The following MARS1 variants were observed in gnomAD, a reference collection of about 807,000 sequenced individuals.
MARS1 encodes methionyl-tRNA synthetase 1.
A neutral mutation model predicts 119.5 loss-of-function variants in MARS1; 80 were observed. That is an observed-to-expected ratio of 0.67 (90% CI 0.56 to 0.81). The LOEUF is 0.81. Among genes scored for constraint, MARS1 ranks in the 30% least tolerant of loss-of-function variants. The pLI, the probability that MARS1 is intolerant of heterozygous loss-of-function variation, is 0.00. For synonymous variants in MARS1, 418 were observed against 433.4 expected, an observed-to-expected ratio of 0.96 and a Z score of 0.44; for missense variants, 945 against 1,116.5, an observed-to-expected ratio of 0.85 and a Z score of 2.19.
chr12:57,516,272 G>A lies in MARS1; in HGVS notation c.2491G>A (p.Val831Ile), dbSNP rs199773459. ...AAAAACGTCCCCGAAGCCAGCAGTT[G>A]TAGAGACTGTTACAACAGCCAAGCC... Reference protein sequence around the residue: ...QAKTSPKPAVVETVTTAKPQQ... With the variant: ...QAKTSPKPAVIETVTTAKPQQ... Residue 831 changes from valine to isoleucine, a missense_variant, in exon 20 of 21, where the codon GTA (valine) becomes ATA (isoleucine). Val to Ile is a conservative substitution (Grantham distance 29, BLOSUM62 3). Coordinates refer to ENST00000262027, the MANE Select transcript of MARS1 (RefSeq NM_004990.4). 3.7e-4 allele frequency: 594 copies of A among 1,614,224 alleles called. 1 individual carries two copies. Among genetic ancestry groups the A allele is most frequent in the Non-Finnish European group, 1.1e-4 (124 of 1,180,046 alleles).
At chr12:57,493,473 A>G (rs1250103749) in intron 7 of MARS1, among the ~76,000 whole-genome samples, 2 of 2,014 alleles carry the variant, frequency 9.9e-4, no homozygotes, top group South Asian at 0.045. Flanking sequence ...TATATAATAT[A>G]TAATATATAA....
At chr12:57,492,006 G>A (rs1171508331) in intron 7 of MARS1, among the ~76,000 whole-genome samples, 4 of 152,110 alleles carry the variant, frequency 2.6e-5, no homozygotes, top group East Asian at 3.8e-4. Context: ...CAGGCCGGGC[G>A]CGGTGGCTCA....
At chr12:57,490,423 C>G (rs192091899) in intron 6 of MARS1, 44 bp downstream of exon 6, 6 of 1,610,132 alleles carry the variant, frequency 3.7e-6, no homozygotes, top group Admixed American at 3.3e-5. Flanking sequence ...TGGGAGGTGG[C>G]TAGGAGATGG....
intron 7 of MARS1, among the ~76,000 whole-genome samples, chr12:57,495,294 G>C (rs7304550): frequency 6.7e-6 from 1 of 150,366 alleles, no homozygotes; most frequent in African/African-American, 2.5e-5. Context: ...GGCGGCTGCC[G>C]GGCGGACACG....
chr12:57,489,254 T>C lies in MARS1; in HGVS notation c.201-13T>C, dbSNP rs201531908. Reference sequence around the variant, plus strand: ...CCTCTAAGTCCATCATCTGTTGCTCTCTCTCTGGGCAGATATTTTTTTTTG... The same window carrying C: ...CCTCTAAGTCCATCATCTGTTGCTCCCTCTCTGGGCAGATATTTTTTTTTG... On this transcript the variant is annotated splice_polypyrimidine_tract_variant and intron_variant, in intron 2 of 20. Coordinates refer to ENST00000262027, the MANE Select transcript of MARS1 (RefSeq NM_004990.4). 214 of 1,613,466 alleles carry C rather than the reference T, an allele frequency of 1.3e-4. No individual in the cohort carries two copies. Among genetic ancestry groups the C allele is most frequent in the Non-Finnish European group, 1.7e-4 (200 of 1,179,912 alleles).
At chr12:57,488,574 TCC>T in intron 1 of MARS1, 1 of 1,550,714 alleles carries the variant, frequency 6.4e-7, no homozygotes, top group Non-Finnish European at 8.7e-7. Context: ...AATCCCTCTC[TCC>T]CCTCCTAACA....
chr12:57,500,261 A>C, intron 9 of MARS1, 60 bp from the exon 10 acceptor site: 1 of 1,417,402 alleles, frequency 7.1e-7, no homozygotes, highest in African/African-American at 1.4e-5. Context: ...GAGTGGCAGG[A>C]GGAAGGGGTC....
In MARS1 at chr12:57,512,889, G is replaced by A; in HGVS notation, c.1892G>A (p.Ser631Asn). ...TACATTCGGCCTGAGGGCCAGGACA[G>A]TGCTTTCTCCTGGACGGACCTGCTG... ...LLYIRPEGQD[S>N]AFSWTDLLLK... is the part of the protein sequence containing the mutation. Residue 631 changes from serine (S) to asparagine (N), a missense_variant, in exon 15 of 21, where the codon AGT becomes AAT. Coordinates refer to ENST00000262027, the MANE Select transcript of MARS1 (RefSeq NM_004990.4). 1 of 1,614,266 alleles carries A rather than the reference G, an allele frequency of 6.2e-7. No homozygotes were observed. Among genetic ancestry groups the A allele is most frequent in the Non-Finnish European group, 8.5e-7 (1 of 1,180,050 alleles).
At chr12:57,515,420 T>G in intron 18 of MARS1, 84 bp downstream of exon 18, 99 of 1,352,314 alleles carry the variant, frequency 7.3e-5, no homozygotes, top group Non-Finnish European at 9.4e-5. Context: ...CTAACATCTC[T>G]CCAGTGTTAC....
intron 9 of MARS1, 69 bp from the exon 10 acceptor site, chr12:57,500,252 A>C: frequency 7.7e-7 from 1 of 1,300,584 alleles, no homozygotes. Context: ...CCCTGGTTGG[A>C]GTGGCAGGAG....
intron 10 of MARS1, 42 bp from the exon 11 acceptor site, chr12:57,504,183 G>A (rs1186989598): frequency 6.9e-7 from 1 of 1,449,072 alleles, no homozygotes; most frequent in East Asian, 2.3e-5. Flanking sequence ...CCCCTCCCCT[G>A]GCCTGCAGGC....
At chr12:57,493,567 T>A (rs986514092) in intron 7 of MARS1, among the ~76,000 whole-genome samples, 1 of 996 alleles carries the variant, frequency 1.0e-3, no homozygotes, top group Non-Finnish European at 5.7e-3. Flanking sequence ...ATATAATATA[T>A]TATAATATAT....
chr12:57,497,257 G>A (rs1876679310), intron 7 of MARS1, among the ~76,000 whole-genome samples: 1 of 152,202 alleles, frequency 6.6e-6, no homozygotes, highest in African/African-American at 2.4e-5. Context: ...GGTGATGGAT[G>A]CACAAGAAAT....
At chr12:57,495,401 C>A (rs1471706617) in intron 7 of MARS1, among the ~76,000 whole-genome samples, 3 of 143,796 alleles carry the variant, frequency 2.1e-5, no homozygotes, top group African/African-American at 2.9e-5. Flanking sequence ...ACATCTCAGA[C>A]GGGGCGGCGG....
intron 8 of MARS1, 21 bp from the exon 9 acceptor site, chr12:57,498,399 G>A (rs369414310): frequency 9.3e-6 from 15 of 1,611,512 alleles, no homozygotes; most frequent in South Asian, 3.3e-5. Flanking sequence ...GCCCCCTAGC[G>A]ATCACCATAT....
intron 11 of MARS1, among the ~76,000 whole-genome samples, chr12:57,510,038 G>A (rs1319743692): frequency 6.6e-6 from 1 of 152,098 alleles, no homozygotes; most frequent in Non-Finnish European, 1.5e-5. Flanking sequence ...TAGAGACAGG[G>A]TCTCACTCTG....
At chr12:57,507,864 C>T (rs1234084519) in intron 11 of MARS1, among the ~76,000 whole-genome samples, 6 of 149,638 alleles carry the variant, frequency 4.0e-5, no homozygotes, top group Admixed American at 6.6e-5. Context: ...ACTTCCCAGA[C>T]GGGGTAGCTG....
Position 57,498,589 on chromosome 12 carries a change from A to G in MARS1, c.1057A>G (p.Ile353Val). The G allele has an allele frequency of 3.1e-6, 5 of 1,614,148 alleles. No homozygotes were observed. The highest frequency in any genetic ancestry group is 4.2e-6 in the Non-Finnish European group (5 of 1,180,032). The change falls in exon 9 of 21, where the codon ATT becomes GTT. Residue 353 changes from isoleucine (I) to valine (V), a missense_variant. Coordinates refer to ENST00000262027, the MANE Select transcript of MARS1 (RefSeq NM_004990.4). ...CCGCTGGTTTAACATTTCGTTTGAT[A>G]TTTTTGGTCGCACCACCACTCCACA... ...IYRWFNISFD[I>V]FGRTTTPQQT...
intron 10 of MARS1, among the ~76,000 whole-genome samples, chr12:57,501,468 T>G (rs1217584658): frequency 6.6e-6 from 1 of 152,204 alleles, no homozygotes; most frequent in Non-Finnish European, 1.5e-5. Context: ...GTGGATCACT[T>G]GAAGCCACGA....
Sources: gnomAD v4.1 joint callset for allele counts (sites outside exome capture counted in the v4.1 genomes callset) on GRCh38, gnomAD v4.1.1 for gene constraint, MANE v1.5 for transcripts, NCBI Gene and HGNC (gene_info 2026-07-23, HGNC 2026-07-21) for gene names.